ADAMTSL3: variants seen among roughly 807,000 people sequenced by gnomAD.
ADAMTSL3 encodes ADAMTS like 3, also known as ADAMTS-like protein 3.
Under a neutral mutation model 201.7 loss-of-function variants are expected in ADAMTSL3, and 128 were observed. The ratio of observed to expected loss-of-function variants is 0.63; its 90% CI spans 0.55 to 0.73. The LOEUF (loss-of-function observed/expected upper bound fraction) is 0.73, where lower values mean the gene tolerates loss of function less well. Ranked by LOEUF, ADAMTSL3 falls within the 30% of genes least tolerant of loss-of-function variation. The pLI is 0.00. For synonymous variants in ADAMTSL3, 738 were observed against 748.4 expected (o/e 0.99, Z 0.23); for missense variants, 1,990 against 2,119.6 (o/e 0.94, Z 1.20).
In ADAMTSL3 at chr15:83,882,993, AT is replaced by A. The variant is rs200399903; in HGVS notation, c.961-2106del. Among the ~76,000 whole-genome samples, 424 of 152,038 alleles carry A rather than the reference AT, an allele frequency of 2.8e-3. 1 individual carries two copies. The highest frequency in any genetic ancestry group is 9.8e-3 in the African/African-American group (406 of 41,490). The stretch of plus-strand genomic sequence containing the variant: ...TGTCTCTTCATCATTCTATTTGTCT[AT>A]TATCTCTATTTTTTAAAGAAATATA... On this transcript the variant is annotated intron_variant, in intron 9 of 29. Coordinates refer to ENST00000286744, the MANE Select transcript of ADAMTSL3 (RefSeq NM_207517.3).
chr15:83,707,741 C>T (rs2061873307), intron 3 of ADAMTSL3, among the ~76,000 whole-genome samples: 1 of 152,158 alleles, frequency 6.6e-6, no homozygotes, highest in Admixed American at 6.5e-5. Flanking sequence ...GCTTCTTTCA[C>T]ACATCATTAT....
chr15:83,695,213 G>A (rs373460719), intron 2 of ADAMTSL3, among the ~76,000 whole-genome samples: 1 of 87,448 alleles, frequency 1.1e-5, no homozygotes, highest in Admixed American at 1.3e-4. Flanking sequence ...TTTGTGGTGT[G>A]TGTGTGTGTG....
intron 17 of ADAMTSL3, among the ~76,000 whole-genome samples, chr15:83,940,924 C>A (rs2066546761): frequency 6.6e-6 from 1 of 151,644 alleles, no homozygotes; most frequent in Non-Finnish European, 1.5e-5. Flanking sequence ...AGGTCCAGTC[C>A]CTTTCTTGAA....
chr15:83,887,802 G>A (rs1377128132), intron 10 of ADAMTSL3, among the ~76,000 whole-genome samples: 1 of 152,148 alleles, frequency 6.6e-6, no homozygotes, highest in African/African-American at 2.4e-5. Flanking sequence ...TGTTGCCCAG[G>A]CTGGTCTCCA....
intron 2 of ADAMTSL3, among the ~76,000 whole-genome samples, chr15:83,678,761 T>A (rs941477778): frequency 7.1e-6 from 1 of 141,344 alleles, no homozygotes; most frequent in Non-Finnish European, 1.5e-5. Context: ...ATATATATAT[T>A]GTGTATATAT....
At chr15:83,870,017 G>A (rs1024426769) in intron 8 of ADAMTSL3, among the ~76,000 whole-genome samples, 7 of 152,100 alleles carry the variant, frequency 4.6e-5, no homozygotes, top group African/African-American at 1.7e-4. Context: ...AAAGAAAGAG[G>A]GAGGAAAGAC....
At chr15:83,704,965 A>AGT (rs10536633) in intron 3 of ADAMTSL3, among the ~76,000 whole-genome samples, 40,208 of 147,436 alleles carry the variant, frequency 0.27, 5,847 homozygotes, top group South Asian at 0.47. Context: ...TATGTCTGTG[A>AGT]GTGTGTGTGT....
chr15:83,798,661 C>A (rs1251823778), intron 4 of ADAMTSL3, among the ~76,000 whole-genome samples: 1 of 151,946 alleles, frequency 6.6e-6, no homozygotes, highest in Non-Finnish European at 1.5e-5. Context: ...CAAAAATTAG[C>A]CAGGCGTGGT....
rs188035956 is a variant in ADAMTSL3, at chr15:83,736,033, A to G, written c.189+31525A>G. Among the ~76,000 whole-genome samples, 792 of 152,328 alleles carry G rather than the reference A, an allele frequency of 5.2e-3. 7 individuals carry two copies. Among genetic ancestry groups the G allele is most frequent in the Non-Finnish European group, 5.4e-3 (364 of 68,032 alleles). On this transcript the variant is annotated intron_variant, in intron 3 of 29. Transcript: ENST00000286744. ...AAGTTGACTAAACTTATTATACTCA[A>G]TATTGCCAAGATACCAATTAGCAAC...
intron 19 of ADAMTSL3, among the ~76,000 whole-genome samples, chr15:83,948,334 G>C (rs2066695231): frequency 6.7e-6 from 1 of 149,862 alleles, no homozygotes; most frequent in Non-Finnish European, 1.5e-5. Flanking sequence ...ACAGAAACTG[G>C]CAAAACCATC....
intron 23 of ADAMTSL3, among the ~76,000 whole-genome samples, chr15:84,007,036 A>T (rs1197498925): frequency 6.6e-6 from 1 of 152,136 alleles, no homozygotes; most frequent in Non-Finnish European, 1.5e-5. Context: ...CCCAAAGTAG[A>T]TGAAATGGCC....
At chr15:83,943,407 T>A (rs2066600328) in intron 19 of ADAMTSL3, among the ~76,000 whole-genome samples, 1 of 152,244 alleles carries the variant, frequency 6.6e-6, no homozygotes, top group Non-Finnish European at 1.5e-5. Context: ...CCTCTCTTCC[T>A]TGTGTCCTCC....
At chr15:83,671,512 CTCTT>C (rs1006302957) in intron 2 of ADAMTSL3, among the ~76,000 whole-genome samples, 2 of 152,178 alleles carry the variant, frequency 1.3e-5, no homozygotes, top group Admixed American at 1.3e-4. Context: ...GATTTATTCT[CTCTT>C]CAGAGAATGT....
chr15:83,690,245 C>T (rs1271400334), intron 2 of ADAMTSL3, among the ~76,000 whole-genome samples: 1 of 152,116 alleles, frequency 6.6e-6, no homozygotes, highest in African/African-American at 2.4e-5. Flanking sequence ...TTTCACTTCT[C>T]TACTTAATAT....
chr15:83,689,973 G>A (rs575619714), intron 2 of ADAMTSL3, among the ~76,000 whole-genome samples: 11 of 152,228 alleles, frequency 7.2e-5, no homozygotes, highest in Non-Finnish European at 1.3e-4. Context: ...ATTGGTTAAA[G>A]GACTATTGAG....
intron 3 of ADAMTSL3, among the ~76,000 whole-genome samples, chr15:83,742,119 A>G (rs891547580): frequency 6.6e-6 from 1 of 152,224 alleles, no homozygotes; most frequent in Non-Finnish European, 1.5e-5. Context: ...AATTTCTCAT[A>G]TAAGAGATAT....
At chr15:84,018,904 C>T (rs372649414) in intron 25 of ADAMTSL3, among the ~76,000 whole-genome samples, 5 of 151,866 alleles carry the variant, frequency 3.3e-5, no homozygotes, top group East Asian at 3.9e-4. Flanking sequence ...TTGGACTGAC[C>T]GCATCAAAAT....
chr15:83,761,473 T>C (rs2062807631), intron 3 of ADAMTSL3, among the ~76,000 whole-genome samples: 1 of 152,200 alleles, frequency 6.6e-6, no homozygotes, highest in East Asian at 1.9e-4. Context: ...TTAAGACTGG[T>C]CTGCTGAAGA....
intron 20 of ADAMTSL3, among the ~76,000 whole-genome samples, chr15:83,976,409 C>A (rs748015925): frequency 3.9e-5 from 6 of 152,040 alleles, no homozygotes; most frequent in Non-Finnish European, 8.8e-5. Flanking sequence ...AGTTTTTCCA[C>A]GGACCAGTCG....
Sources: gnomAD v4.1 joint callset for allele counts (sites outside exome capture counted in the v4.1 genomes callset) on GRCh38, gnomAD v4.1.1 for gene constraint, MANE v1.5 for transcripts, NCBI Gene and HGNC (gene_info 2026-07-23, HGNC 2026-07-21) for gene names.